Variants in ZNF804B observed in about 807,000 individuals in gnomAD.
The protein encoded by ZNF804B is zinc finger 804B.
ZNF804B carries 80 observed loss-of-function variants against 101.4 expected under a neutral mutation model. The observed-to-expected ratio is 0.79, with a 90% confidence interval of 0.66 to 0.95. The LOEUF is 0.95. Ranked by LOEUF, ZNF804B falls within the 40% of genes least tolerant of loss-of-function variation. ZNF804B has a pLI of 0.00. For synonymous variants in ZNF804B, 622 were observed against 558.8 expected (o/e 1.11, Z -1.59); for missense variants, 1,673 against 1,561.9 (o/e 1.07, Z -1.20).
chr7:88,795,974 A>C (rs1425703404), intron 1 of ZNF804B, among the ~76,000 whole-genome samples: 1 of 152,088 alleles, frequency 6.6e-6, no homozygotes, highest in African/African-American at 2.4e-5. Context: ...CCGTTTGATA[A>C]ATAAAAAGTA....
At chr7:89,275,584 A>G (rs575575181) in intron 2 of ZNF804B, among the ~76,000 whole-genome samples, 1 of 151,890 alleles carries the variant, frequency 6.6e-6, no homozygotes, top group East Asian at 1.9e-4. Flanking sequence ...GGCCACAGAT[A>G]TCTACACAGT....
In ZNF804B at chr7:89,334,410, C is replaced by T; in HGVS notation, c.1428C>T (p.Asn476=). ...KTEPCISYGC[N]PLYFDFKLSR... ...AACCCTGTATCTCTTATGGCTGCAA[C>T]CCACTGTATTTTGATTTTAAGCTTT... Residue 476 remains asparagine, a synonymous_variant, in exon 4 of 4, where the codon AAC becomes AAT. Transcript: ENST00000333190. The T allele has an allele frequency of 6.2e-7, 1 of 1,613,710 alleles. No individual in the cohort carries two copies. Among genetic ancestry groups the T allele is most frequent in the Non-Finnish European group, 8.5e-7 (1 of 1,179,858 alleles).
intron 2 of ZNF804B, among the ~76,000 whole-genome samples, chr7:89,260,248 C>T (rs35735119): frequency 0.12 from 18,543 of 152,132 alleles, 1,219 homozygotes; most frequent in Middle Eastern, 0.25. Context: ...ATAATAAACC[C>T]AAGTGCATTT....
intron 1 of ZNF804B, among the ~76,000 whole-genome samples, chr7:88,828,964 A>G (rs1260360228): frequency 6.6e-6 from 1 of 152,168 alleles, no homozygotes; most frequent in African/African-American, 2.4e-5. Flanking sequence ...AAAAAGGTCT[A>G]TGTTTACCCA....
intron 1 of ZNF804B, among the ~76,000 whole-genome samples, chr7:88,899,238 G>T (rs923556838): frequency 1.3e-5 from 2 of 151,856 alleles, no homozygotes; most frequent in African/African-American, 2.4e-5. Flanking sequence ...CACTTCTTAT[G>T]CACACCAAGA....
At chr7:88,877,047 ATATTTTTTTTTTTTTTT>A (rs1791962561) in intron 1 of ZNF804B, among the ~76,000 whole-genome samples, 1 of 28,762 alleles carries the variant, frequency 3.5e-5, no homozygotes, top group Non-Finnish European at 5.5e-5. Context: ...ATATATATAT[ATATTTTTTTTTTTTTTT>A]TTTTTTTTTT....
chr7:89,048,732 A>T (rs901229918), intron 1 of ZNF804B, among the ~76,000 whole-genome samples: 5 of 151,540 alleles, frequency 3.3e-5, no homozygotes, highest in Non-Finnish European at 5.9e-5. Context: ...GATTTAAAAA[A>T]CTCATTTCAA....
chr7:89,258,416 T>C (rs1390979566), intron 2 of ZNF804B, among the ~76,000 whole-genome samples: 1 of 152,162 alleles, frequency 6.6e-6, no homozygotes, highest in African/African-American at 2.4e-5. Context: ...CTATGTGTAA[T>C]AATAGCATGG....
At chr7:88,917,926 C>G (rs1411888139) in intron 1 of ZNF804B, among the ~76,000 whole-genome samples, 1 of 151,778 alleles carries the variant, frequency 6.6e-6, no homozygotes, top group Non-Finnish European at 1.5e-5. Context: ...CAAAATTAGT[C>G]AATATCTGAA....
intron 2 of ZNF804B, among the ~76,000 whole-genome samples, chr7:89,240,973 T>C (rs1223459180): frequency 6.6e-6 from 1 of 152,068 alleles, no homozygotes; most frequent in East Asian, 1.9e-4. Flanking sequence ...AACTCTACAG[T>C]GTCTGTAGCA....
chr7:89,220,017 G>A (rs1182027798), intron 2 of ZNF804B, among the ~76,000 whole-genome samples: 4 of 124,790 alleles, frequency 3.2e-5, no homozygotes, highest in Non-Finnish European at 3.4e-5. Flanking sequence ...ATATATGTGT[G>A]TATACATATA....
chr7:88,914,108 C>T (rs987226786), intron 1 of ZNF804B, among the ~76,000 whole-genome samples: 2 of 152,164 alleles, frequency 1.3e-5, no homozygotes, highest in African/African-American at 2.4e-5. Context: ...TGGACATATG[C>T]TCTGCTTATC....
At chr7:89,299,309 G>A (rs2115917445) in intron 2 of ZNF804B, among the ~76,000 whole-genome samples, 1 of 152,064 alleles carries the variant, frequency 6.6e-6, no homozygotes, top group Admixed American at 6.6e-5. Flanking sequence ...AGGTCACACA[G>A]CCCAAATGTC....
At chr7:88,824,822 CA>C (rs1178537979) in intron 1 of ZNF804B, among the ~76,000 whole-genome samples, 1 of 152,108 alleles carries the variant, frequency 6.6e-6, no homozygotes, top group Admixed American at 6.6e-5. Flanking sequence ...GTGGAGTAGG[CA>C]GACAAAATAA....
intron 1 of ZNF804B, among the ~76,000 whole-genome samples, chr7:88,974,123 G>A (rs1399917019): frequency 6.6e-6 from 1 of 151,300 alleles, no homozygotes; most frequent in Non-Finnish European, 1.5e-5. Flanking sequence ...AGTGGCAGAA[G>A]TCACCTTCTC....
At chr7:88,913,924 C>G (rs1792591100) in intron 1 of ZNF804B, among the ~76,000 whole-genome samples, 1 of 152,194 alleles carries the variant, frequency 6.6e-6, no homozygotes, top group Non-Finnish European at 1.5e-5. Context: ...GCTAAAGTGG[C>G]AGGCTGTAAA....
At chr7:88,823,288 G>C (rs572266109) in intron 1 of ZNF804B, among the ~76,000 whole-genome samples, 3 of 152,110 alleles carry the variant, frequency 2.0e-5, no homozygotes, top group Non-Finnish European at 4.4e-5. Context: ...CATATATACA[G>C]TAGTGAGTGA....
At chr7:89,193,273 G>GTTT (rs35218765) in intron 1 of ZNF804B, among the ~76,000 whole-genome samples, 2 of 145,846 alleles carry the variant, frequency 1.4e-5, no homozygotes, top group African/African-American at 2.5e-5. Flanking sequence ...CAAAAGCTTC[G>GTTT]TTTTTTTTTT....
chr7:88,879,014 G>A (rs969130736), intron 1 of ZNF804B, among the ~76,000 whole-genome samples: 1 of 152,080 alleles, frequency 6.6e-6, no homozygotes, highest in African/African-American at 2.4e-5. Flanking sequence ...GCAATATTAG[G>A]TTCACGATGA....
Sources: allele counts gnomAD v4.1 joint callset (sites outside exome capture counted in the v4.1 genomes callset), GRCh38; gene constraint gnomAD v4.1.1; transcripts MANE v1.5; gene names NCBI Gene and HGNC (gene_info 2026-07-23, HGNC 2026-07-21).